MAGI2: variants seen among roughly 807,000 people sequenced by gnomAD.
The protein encoded by MAGI2 is membrane-associated guanylate kinase, WW and PDZ domain-containing protein 2.
A neutral mutation model predicts 133.3 loss-of-function variants in MAGI2; 35 were observed. The ratio of observed to expected loss-of-function variants is 0.26; its 90% confidence interval spans 0.20 to 0.35. MAGI2 has a LOEUF of 0.35. Among genes scored for constraint, MAGI2 ranks in the 10% least tolerant of loss-of-function variants. The pLI is 1.00. For missense variants in MAGI2, 1,636 were observed against 1,863.4 expected, an observed-to-expected ratio of 0.88 and a Z score of 2.25; for synonymous variants, 729 against 710.6, an observed-to-expected ratio of 1.03 and a Z score of -0.41.
At chr7:78,634,394 G>A (rs1048444042) in intron 2 of MAGI2, among the ~76,000 whole-genome samples, 23 of 152,182 alleles carry the variant, frequency 1.5e-4, no homozygotes, top group African/African-American at 5.5e-4. Context: ...ACCTACAAGA[G>A]TCAGAAAGCA....
At chr7:78,961,386 T>G (rs923141475) in intron 2 of MAGI2, among the ~76,000 whole-genome samples, 2 of 152,226 alleles carry the variant, frequency 1.3e-5, no homozygotes, top group African/African-American at 4.8e-5. Context: ...TCTCTTCTGG[T>G]AGAAGAGAGA....
At chr7:78,659,013 CAT>C (rs1182120307) in intron 2 of MAGI2, among the ~76,000 whole-genome samples, 15 of 152,166 alleles carry the variant, frequency 9.9e-5, no homozygotes, top group African/African-American at 3.6e-4. Context: ...AAAACCTGCA[CAT>C]GTTATAGCAC....
intron 2 of MAGI2, among the ~76,000 whole-genome samples, chr7:78,757,297 CTCCCTCCT>C (rs908290587): frequency 7.6e-6 from 1 of 131,910 alleles, no homozygotes; most frequent in African/African-American, 2.8e-5. Flanking sequence ...CTCCCTCCTT[CTCCCTCCT>C]TCTCTCTCTC....
intron 2 of MAGI2, among the ~76,000 whole-genome samples, chr7:78,985,167 A>G (rs1050819442): frequency 3.9e-5 from 6 of 151,936 alleles, no homozygotes; most frequent in African/African-American, 7.2e-5. Context: ...ATGCCCAGAC[A>G]TATATTCTTT....
intron 2 of MAGI2, among the ~76,000 whole-genome samples, chr7:78,659,060 T>C (rs1343159281): frequency 6.6e-6 from 1 of 152,108 alleles, no homozygotes; most frequent in Non-Finnish European, 1.5e-5. Flanking sequence ...AGAAACAACC[T>C]AGACGTCTGT....
chr7:78,576,246 A>ACT (rs1252214500), intron 3 of MAGI2, among the ~76,000 whole-genome samples: 1 of 151,940 alleles, frequency 6.6e-6, no homozygotes, highest in African/African-American at 2.4e-5. Flanking sequence ...AATCCAGACT[A>ACT]CTCAACTGGC....
intron 1 of MAGI2, among the ~76,000 whole-genome samples, chr7:79,109,290 A>G (rs189100818): frequency 1.3e-5 from 2 of 152,188 alleles, no homozygotes; most frequent in Admixed American, 1.3e-4. Flanking sequence ...TTGTGACTGA[A>G]TTCTGATAGT....
chr7:79,223,872 T>C (rs1043293607), intron 1 of MAGI2, among the ~76,000 whole-genome samples: 3 of 152,048 alleles, frequency 2.0e-5, no homozygotes, highest in African/African-American at 7.3e-5. Flanking sequence ...GAGTTATTAT[T>C]GGGCATCAGT....
chr7:79,291,003 T>C (rs939376765), intron 1 of MAGI2, among the ~76,000 whole-genome samples: 1 of 152,062 alleles, frequency 6.6e-6, no homozygotes. Context: ...TGTGGAGCTA[T>C]CACTATGAAT....
chr7:79,110,404 A>G (rs1043545928), intron 1 of MAGI2, among the ~76,000 whole-genome samples: 18 of 152,192 alleles, frequency 1.2e-4, no homozygotes, highest in African/African-American at 4.3e-4. Flanking sequence ...ACATGGAGTC[A>G]AAGGAGATTA....
intron 2 of MAGI2, among the ~76,000 whole-genome samples, chr7:78,869,809 A>C (rs1487300052): frequency 6.6e-6 from 1 of 152,328 alleles, no homozygotes; most frequent in Non-Finnish European, 1.5e-5. Flanking sequence ...TTACAATTCA[A>C]GATGAGATTT....
intron 9 of MAGI2, among the ~76,000 whole-genome samples, chr7:78,342,091 A>G (rs1279157919): frequency 6.6e-6 from 1 of 152,152 alleles, no homozygotes; most frequent in Non-Finnish European, 1.5e-5. Context: ...CAGAATCTAC[A>G]AAGAACTTAA....
chr7:78,107,890 AG>A (rs1337831037), intron 20 of MAGI2, among the ~76,000 whole-genome samples: 2 of 106,718 alleles, frequency 1.9e-5, no homozygotes, highest in African/African-American at 5.6e-5. Flanking sequence ...CCTCTTTCTT[AG>A]TATTGATTTT....
intron 2 of MAGI2, among the ~76,000 whole-genome samples, chr7:78,888,237 C>T (rs555048805): frequency 3.0e-4 from 45 of 152,298 alleles, no homozygotes; most frequent in Admixed American, 1.2e-3. Flanking sequence ...CCAGGAAGCT[C>T]GAATTGGGTG....
intron 3 of MAGI2, among the ~76,000 whole-genome samples, chr7:78,549,182 AT>A (rs1210823774): frequency 1.3e-5 from 2 of 152,134 alleles, no homozygotes; most frequent in Non-Finnish European, 2.9e-5. Context: ...GTTGATAGAT[AT>A]AAGTGGGCCT....
chr7:78,538,858 C>CA (rs1342534057), intron 3 of MAGI2, among the ~76,000 whole-genome samples: 1 of 151,804 alleles, frequency 6.6e-6, no homozygotes, highest in Non-Finnish European at 1.5e-5. Flanking sequence ...GAATCAAAAA[C>CA]AAAAAACAAG....
intron 1 of MAGI2, among the ~76,000 whole-genome samples, chr7:79,162,473 T>G (rs1184298695): frequency 6.6e-6 from 1 of 151,986 alleles, no homozygotes; most frequent in African/African-American, 2.4e-5. Flanking sequence ...TTTTAAGGGC[T>G]GATTTTGAGG....
At chr7:78,700,504 C>A (rs1817955765) in intron 2 of MAGI2, among the ~76,000 whole-genome samples, 1 of 152,044 alleles carries the variant, frequency 6.6e-6, no homozygotes, top group Non-Finnish European at 1.5e-5. Flanking sequence ...GAGGCTCAAC[C>A]TGCTAACTCT....
intron 1 of MAGI2, among the ~76,000 whole-genome samples, chr7:79,289,363 T>C (rs1836277882): frequency 1.3e-5 from 2 of 152,196 alleles, no homozygotes; most frequent in Non-Finnish European, 2.9e-5. Context: ...TACAGAAGTA[T>C]GACATTTTCT....
Sources: gnomAD v4.1 joint callset for allele counts (sites outside exome capture counted in the v4.1 genomes callset) on GRCh38, gnomAD v4.1.1 for gene constraint, MANE v1.5 for transcripts, NCBI Gene and HGNC (gene_info 2026-07-23, HGNC 2026-07-21) for gene names.